The following CYP3A5 variants were observed in gnomAD, a reference collection of about 807,000 sequenced individuals.
CYP3A5 encodes cytochrome P450 3A5.
CYP3A5 carries 51 observed loss-of-function variants against 55.9 expected under a neutral mutation model. That is an observed-to-expected ratio of 0.91 (90% CI 0.73 to 1.15). CYP3A5 has a LOEUF of 1.15. Among genes scored for constraint, CYP3A5 ranks in the 50% most tolerant of loss-of-function variants. The pLI, the probability that CYP3A5 is intolerant of heterozygous loss-of-function variation, is 0.00. For synonymous variants in CYP3A5, 196 were observed against 213.9 expected (o/e 0.92, Z 0.73); for missense variants, 533 against 596.6 (o/e 0.89, Z 1.11).
rs1286030745 is a variant in CYP3A5 at position 99,665,322 on chromosome 7, G to A, written c.522-8C>T. ...CTGTAGGCCCCAAAGATGCTGAGTGGAGAAAGATATGGAAAATTAAAATCA... is the reference window on the plus strand; with the variant it reads ...CTGTAGGCCCCAAAGATGCTGAGTGAAGAAAGATATGGAAAATTAAAATCA... On this transcript the variant is annotated splice_polypyrimidine_tract_variant and splice_region_variant and intron_variant, in intron 6 of 12. Transcript: ENST00000222982. The A allele has an allele frequency of 6.2e-7, 1 of 1,614,032 alleles. No individual in the cohort carries two copies. Among genetic ancestry groups the A allele is most frequent in the Admixed American group, 1.7e-5 (1 of 60,012 alleles).
intron 8 of CYP3A5, chr7:99,663,398 C>G: frequency 1.0e-6 from 1 of 991,086 alleles, no homozygotes; most frequent in Non-Finnish European, 1.2e-6. Flanking sequence ...CCCTGACCTG[C>G]AGACATCCTT....
chr7:99,648,724 AT>A, intron 12 of CYP3A5, among the ~76,000 whole-genome samples: 1 of 151,866 alleles, frequency 6.6e-6, no homozygotes, highest in South Asian at 2.1e-4. Flanking sequence ...TTAAATCCAG[AT>A]TAGTAGGTAT....
In CYP3A5 at chr7:99,672,634, G is replaced by A. The variant is rs201165536; in HGVS notation, c.264C>T (p.Asp88=). 1.1e-4 allele frequency: 174 copies of A among 1,614,058 alleles called. 1 individual carries two copies. The highest frequency in any genetic ancestry group is 9.7e-4 in the South Asian group (88 of 91,082). ...QLPVLAITDP[D]VIRTVLVKEC... is the part of the protein sequence containing the mutation. The stretch of plus-strand genomic sequence containing the variant: ...CTTTCACTAGCACTGTTCTGATCAC[G>A]TCGGGATCTGTGATGGCCAGCACAG... Residue 88 remains aspartate (D), a synonymous_variant, in exon 4 of 13, where the codon GAC becomes GAT. Coordinates refer to ENST00000222982, the MANE Select transcript of CYP3A5 (RefSeq NM_000777.5).
chr7:99,668,971 A>G (rs955401005), intron 4 of CYP3A5, among the ~76,000 whole-genome samples: 3 of 152,264 alleles, frequency 2.0e-5, no homozygotes, highest in African/African-American at 7.2e-5. Flanking sequence ...AATATTATTT[A>G]GAAGACATGT....
intron 1 of CYP3A5, chr7:99,676,637 T>A: frequency 1.0e-6 from 1 of 992,798 alleles, no homozygotes; most frequent in Non-Finnish European, 1.4e-6. Flanking sequence ...TTTGCATCAC[T>A]GTATGCACTC....
chr7:99,661,444 C>T (rs915972512), intron 9 of CYP3A5, among the ~76,000 whole-genome samples: 4 of 152,100 alleles, frequency 2.6e-5, no homozygotes, highest in African/African-American at 9.7e-5. Context: ...CAGAGATAGA[C>T]AAAAAGCCAG....
At chr7:99,656,447 G>A (rs1444611193) in intron 10 of CYP3A5, among the ~76,000 whole-genome samples, 3 of 152,172 alleles carry the variant, frequency 2.0e-5, no homozygotes, top group Admixed American at 6.5e-5. Context: ...GATCATGGTG[G>A]ATAAGCTTTT....
At chr7:99,674,621 T>G (rs776041446) in intron 2 of CYP3A5, 36 bp from the exon 3 acceptor site, 2 of 1,578,374 alleles carry the variant, frequency 1.3e-6, no homozygotes, top group Non-Finnish European at 1.7e-6. Context: ...TGATTATTAT[T>G]TTAAATAGAA....
At position 99,677,138 on chromosome 7, in the gene CYP3A5, G is replaced by T. The variant is rs142434929; in HGVS notation, c.72-930C>A. 6.1e-6 allele frequency: 6 copies of T among 981,810 alleles called. No homozygotes were observed. In the African/African-American group the frequency reaches 1.0e-4, roughly 17 times the overall value. The allele number at this position is 981,810 out of a possible 1,614,324, so 60.8% of individuals were successfully genotyped here. A position where few individuals can be genotyped will look rare whatever the true frequency, so the allele number is the denominator to read the frequency against. ...GCCTGGTGTTCACTATGGCAGGCCT[G>T]CCTGGAACTCATCTTTCATGAGTCA... On this transcript the variant is annotated intron_variant, in intron 1 of 12. Transcript: ENST00000222982.
chr7:99,663,333 A>G (rs1053248672), intron 8 of CYP3A5: 13 of 994,976 alleles, frequency 1.3e-5, no homozygotes, highest in Non-Finnish European at 1.6e-5. Context: ...AAATATTCCA[A>G]CATTCTCAAA....
intron 12 of CYP3A5, 30 bp downstream of exon 12, chr7:99,650,043 C>A: frequency 1.2e-6 from 2 of 1,611,330 alleles, no homozygotes; most frequent in Non-Finnish European, 1.7e-6. Context: ...TAAAAAAATT[C>A]TTAATAAAAC....
At chr7:99,677,696 C>CA (rs1161376642) in intron 1 of CYP3A5, among the ~76,000 whole-genome samples, 1 of 152,208 alleles carries the variant, frequency 6.6e-6, no homozygotes, top group Non-Finnish European at 1.5e-5. Context: ...GTTCCCTGCC[C>CA]CAGAACAGTT....
chr7:99,657,958 A>T (rs1395638369), intron 10 of CYP3A5, among the ~76,000 whole-genome samples: 1 of 151,684 alleles, frequency 6.6e-6, no homozygotes, highest in East Asian at 1.9e-4. Context: ...CCATCCCTTT[A>T]TTTTGAGCCT....
intron 9 of CYP3A5, among the ~76,000 whole-genome samples, chr7:99,661,079 A>G (rs544855331): frequency 2.3e-4 from 35 of 152,214 alleles, no homozygotes; most frequent in Admixed American, 9.2e-4. Flanking sequence ...AGACTTTGAG[A>G]GAATTCCAAT....
Position 99,665,234 on chromosome 7 carries a change from T to C in CYP3A5, c.602A>G (p.Asp201Gly). ...CTTCTTAGTGCTCTCCACAAAGGGG[T>C]CTTGTGGATTGTTGAGAGAGTCGAT... ...VNIDSLNNPQ[D>G]PFVESTKKFL... Residue 201 changes from aspartate to glycine, a missense_variant, in exon 7 of 13, where the codon GAC becomes GGC. Asp to Gly is a moderately conservative substitution (Grantham distance 94). Transcript: ENST00000222982. 1 of 1,613,566 alleles carries C rather than the reference T, an allele frequency of 6.2e-7. No homozygotes were observed. The highest frequency in any genetic ancestry group is 1.1e-5 in the South Asian group (1 of 91,046).
intron 1 of CYP3A5, among the ~76,000 whole-genome samples, chr7:99,676,917 A>C (rs998907145): frequency 1.3e-5 from 2 of 151,794 alleles, no homozygotes; most frequent in African/African-American, 4.8e-5. Context: ...GGTTGATTTG[A>C]GCTGTTGAGG....
intron 1 of CYP3A5, among the ~76,000 whole-genome samples, chr7:99,679,272 C>G (rs1812594947): frequency 6.6e-6 from 1 of 152,064 alleles, no homozygotes; most frequent in Non-Finnish European, 1.5e-5. Flanking sequence ...AGCCAGGGGA[C>G]AGCTTCCCAT....
In CYP3A5 at chr7:99,664,087, G is replaced by T. The variant is rs1472686728; in HGVS notation, c.679C>A (p.Pro227Thr). ...GCTTCAAAAACTGGGGTAAGGAATG[G>T]AAAGAGTACTGTGGGAAAAACAAAA... Reference protein sequence around the residue: ...DPLFLSIILFPFLTPVFEALN... With the variant: ...DPLFLSIILFTFLTPVFEALN... Residue 227 changes from proline to threonine, a missense_variant, in exon 8 of 13, where the codon CCA (proline) becomes ACA (threonine). Transcript: ENST00000222982. 6.3e-7 allele frequency: 1 copy of T among 1,582,442 alleles called. No homozygotes were observed. The highest frequency in any genetic ancestry group is 2.0e-5 in the Admixed American group (1 of 49,724).
chr7:99,665,451 T>C, intron 6 of CYP3A5, 137 bp from the exon 7 acceptor site: 1 of 1,270,262 alleles, frequency 7.9e-7, no homozygotes, highest in Admixed American at 1.9e-5. Context: ...CTGAATCATC[T>C]TCCATCTACT....
Sources: gnomAD v4.1 joint callset for allele counts (sites outside exome capture counted in the v4.1 genomes callset) on GRCh38, gnomAD v4.1.1 for gene constraint, MANE v1.5 for transcripts, NCBI Gene and HGNC (gene_info 2026-07-23, HGNC 2026-07-21) for gene names.